Variants in FTO observed in about 807,000 individuals in gnomAD.
FTO encodes alpha-ketoglutarate-dependent dioxygenase FTO.
FTO carries 47 observed loss-of-function variants against 63.9 expected under a neutral mutation model. The ratio of observed to expected loss-of-function variants is 0.74; its 90% CI spans 0.58 to 0.94. The LOEUF (loss-of-function observed/expected upper bound fraction) is 0.94. Among genes scored for constraint, FTO ranks in the 40% least tolerant of loss-of-function variants. FTO has a pLI of 0.00. For missense variants in FTO, 562 were observed against 618.1 expected, an observed-to-expected ratio of 0.91 and a Z score of 0.96; for synonymous variants, 207 against 224.4, an observed-to-expected ratio of 0.92 and a Z score of 0.69.
intron 1 of FTO, among the ~76,000 whole-genome samples, chr16:53,806,250 TC>T (rs1026335338): frequency 4.6e-5 from 7 of 152,346 alleles, no homozygotes; most frequent in African/African-American, 1.4e-4. Context: ...CATGTTGTCT[TC>T]ATCTTTATAC....
chr16:53,908,980 G>T (rs1339493095), intron 7 of FTO, among the ~76,000 whole-genome samples: 1 of 152,160 alleles, frequency 6.6e-6, no homozygotes, highest in African/African-American at 2.4e-5. Flanking sequence ...GAGTCCCCAA[G>T]AAAATGTTCA....
chr16:53,911,781 C>A (rs1170360763), intron 7 of FTO, among the ~76,000 whole-genome samples: 1 of 152,190 alleles, frequency 6.6e-6, no homozygotes, highest in African/African-American at 2.4e-5. Context: ...TATTAAATCA[C>A]AAATGGGAGG....
intron 8 of FTO, among the ~76,000 whole-genome samples, chr16:53,945,833 G>A (rs551750047): frequency 1.3e-5 from 2 of 152,298 alleles, no homozygotes; most frequent in Non-Finnish European, 2.9e-5. Flanking sequence ...TTGGGGCTGC[G>A]TTAGTCAAGG....
At chr16:53,952,217 G>T (rs2071925053) in intron 8 of FTO, among the ~76,000 whole-genome samples, 1 of 152,110 alleles carries the variant, frequency 6.6e-6, no homozygotes, top group South Asian at 2.1e-4. Flanking sequence ...GGTTGTCAGT[G>T]GTCAAGCCAG....
chr16:53,704,250 C>T (rs1971823399), intron 1 of FTO, 21 bp downstream of exon 1: 7 of 1,551,052 alleles, frequency 4.5e-6, no homozygotes, highest in Non-Finnish European at 6.1e-6. Context: ...CTCCCGGGGC[C>T]TGGAGATCTT....
chr16:53,776,734 G>A (rs890309462), intron 1 of FTO, among the ~76,000 whole-genome samples: 1 of 152,056 alleles, frequency 6.6e-6, no homozygotes, highest in Admixed American at 6.5e-5. Context: ...TCTCTTTACT[G>A]TCTAGCTTGA....
intron 8 of FTO, among the ~76,000 whole-genome samples, chr16:54,053,906 C>G (rs763555917): frequency 6.6e-6 from 1 of 152,188 alleles, no homozygotes; most frequent in Non-Finnish European, 1.5e-5. Context: ...CTTAAATCAA[C>G]TCCACCTGCC....
rs542387323 is a variant in FTO at position 54,059,579 on chromosome 16, G to A, written c.1365-52183G>A. On this transcript the variant is annotated intron_variant, in intron 8 of 8. Coordinates refer to ENST00000471389, the MANE Select transcript of FTO (RefSeq NM_001080432.3). ...CTCTGACAAGGGGCTGTAAAAGCTCGGTTGTAGGCAGTGGTTAAGCGCTGC... is the reference window on the plus strand; with the variant it reads ...CTCTGACAAGGGGCTGTAAAAGCTCAGTTGTAGGCAGTGGTTAAGCGCTGC... Among the ~76,000 whole-genome samples, 169 of 152,276 alleles carry A rather than the reference G, an allele frequency of 1.1e-3. 1 individual carries two copies. The highest frequency in any genetic ancestry group is 3.9e-3 in the African/African-American group (163 of 41,566).
chr16:53,759,685 CT>C, intron 1 of FTO, among the ~76,000 whole-genome samples: 3 of 107,586 alleles, frequency 2.8e-5, no homozygotes, highest in East Asian at 2.7e-4. Context: ...CCGAAAAAGA[CT>C]CCTTCTCAAA....
chr16:53,854,356 G>T (rs981368317), intron 4 of FTO, among the ~76,000 whole-genome samples: 1 of 151,842 alleles, frequency 6.6e-6, no homozygotes, highest in African/African-American at 2.4e-5. Flanking sequence ...TTGCTTTTGG[G>T]GTCCTATTCA....
At chr16:53,744,478 A>G (rs2076601135) in intron 1 of FTO, among the ~76,000 whole-genome samples, 1 of 152,200 alleles carries the variant, frequency 6.6e-6, no homozygotes, top group Non-Finnish European at 1.5e-5. Context: ...TCTGCAGACC[A>G]TAGGAAAATG....
chr16:53,743,411 T>C (rs2076573517), intron 1 of FTO, among the ~76,000 whole-genome samples: 1 of 151,792 alleles, frequency 6.6e-6, no homozygotes, highest in Non-Finnish European at 1.5e-5. Context: ...ACTCTGATGA[T>C]TGCAGTTACC....
intron 7 of FTO, among the ~76,000 whole-genome samples, chr16:53,917,833 G>A (rs1210569153): frequency 2.6e-5 from 4 of 151,996 alleles, no homozygotes; most frequent in South Asian, 4.2e-4. Context: ...AGACAGTGGC[G>A]TTTAGGCAGG....
At chr16:54,093,676 C>T (rs1317621274) in intron 8 of FTO, among the ~76,000 whole-genome samples, 2 of 152,218 alleles carry the variant, frequency 1.3e-5, no homozygotes, top group African/African-American at 2.4e-5. Context: ...AAGCAGATGT[C>T]GTCCTTTGAT....
At chr16:53,890,397 TTC>T (rs1486154731) in intron 7 of FTO, among the ~76,000 whole-genome samples, 26 of 152,168 alleles carry the variant, frequency 1.7e-4, no homozygotes, top group African/African-American at 5.6e-4. Context: ...AAAAGTTTTC[TTC>T]TGTCTTATTT....
At chr16:54,018,287 T>G (rs1378582010) in intron 8 of FTO, among the ~76,000 whole-genome samples, 1 of 152,178 alleles carries the variant, frequency 6.6e-6, no homozygotes, top group African/African-American at 2.4e-5. Flanking sequence ...TGGTACCAAT[T>G]TTTAAAATCT....
At chr16:53,907,893 C>T (rs1203594945) in intron 7 of FTO, among the ~76,000 whole-genome samples, 1 of 152,208 alleles carries the variant, frequency 6.6e-6, no homozygotes, top group Non-Finnish European at 1.5e-5. Flanking sequence ...CTGCACTATA[C>T]TTTACCATTA....
intron 8 of FTO, among the ~76,000 whole-genome samples, chr16:54,095,205 A>AATTTATTTATTTATTT (rs1181256538): frequency 3.3e-5 from 5 of 151,996 alleles, no homozygotes; most frequent in Admixed American, 2.0e-4. Flanking sequence ...GTGCCTGGCT[A>AATTTATTTATTTATTT]ATTTATTTAT....
intron 7 of FTO, among the ~76,000 whole-genome samples, chr16:53,901,409 A>G (rs1324320675): frequency 6.6e-6 from 1 of 152,226 alleles, no homozygotes; most frequent in Non-Finnish European, 1.5e-5. Context: ...CCTCTTGTCC[A>G]GGTGACAGTC....
Sources: gnomAD v4.1 joint callset for allele counts (sites outside exome capture counted in the v4.1 genomes callset) on GRCh38, gnomAD v4.1.1 for gene constraint, MANE v1.5 for transcripts, NCBI Gene and HGNC (gene_info 2026-07-23, HGNC 2026-07-21) for gene names.